The following CNR1 variants were observed in gnomAD, a reference collection of about 807,000 sequenced individuals.
The protein encoded by CNR1 is cannabinoid receptor 1 (brain).
A neutral mutation model predicts 23.0 loss-of-function variants in CNR1; 10 were observed. The observed-to-expected ratio is 0.43, with a 90% CI of 0.27 to 0.74. The LOEUF (loss-of-function observed/expected upper bound fraction) is 0.74, where lower values mean the gene tolerates loss of function less well. Among genes scored for constraint, CNR1 ranks in the 30% least tolerant of loss-of-function variants. The pLI is 0.19. For synonymous variants in CNR1, 271 were observed against 255.2 expected (o/e 1.06, Z -0.59); for missense variants, 422 against 618.8 (o/e 0.68, Z 3.37).
upstream of CNR1, among the ~76,000 whole-genome samples, chr6:88,166,746 C>A (rs1778386007): frequency 6.6e-6 from 1 of 152,142 alleles, no homozygotes; most frequent in Non-Finnish European, 1.5e-5. Flanking sequence ...CAGCGCGCAT[C>A]GCCAACACCT....
At chr6:88,160,165 G>A (rs1778018089) in intron 1 of CNR1, among the ~76,000 whole-genome samples, 1 of 151,992 alleles carries the variant, frequency 6.6e-6, no homozygotes, top group South Asian at 2.1e-4. Flanking sequence ...CCGTCTGCAC[G>A]AAAAATACAA....
At chr6:88,147,135 A>T (rs900600537) in intron 1 of CNR1, among the ~76,000 whole-genome samples, 30 of 152,212 alleles carry the variant, frequency 2.0e-4, no homozygotes, top group African/African-American at 7.2e-4. Flanking sequence ...TACTAAAAAT[A>T]AAAAGAAATT....
At chr6:88,151,199 G>A (rs1777500135) in intron 1 of CNR1, among the ~76,000 whole-genome samples, 1 of 152,202 alleles carries the variant, frequency 6.6e-6, no homozygotes, top group Non-Finnish European at 1.5e-5. Flanking sequence ...GTAAGTAGTA[G>A]AGCAAGCACT....
rs1208173234 is a variant in CNR1, at chr6:88,140,687, A to G, written c.*3169T>C. 6.6e-6 allele frequency: 1 copy of G among 152,344 alleles called. No individual in the cohort carries two copies. The highest frequency in any genetic ancestry group is 1.9e-4 in the East Asian group (1 of 5,342). The allele number at this position is 152,344 out of a possible 1,614,324, so 9.4% of individuals were successfully genotyped here. A position where few individuals can be genotyped will look rare whatever the true frequency, so the allele number is the denominator to read the frequency against. Reference sequence around the variant, plus strand: ...GAAATTAATCAACAGGACAGTAACTATAGCGCTACTCATCCAGGGCCTAAT... The same window carrying G: ...GAAATTAATCAACAGGACAGTAACTGTAGCGCTACTCATCCAGGGCCTAAT... On this transcript the variant is annotated 3_prime_UTR_variant, in exon 2 of 2. Transcript: ENST00000369501.
In CNR1 at chr6:88,139,878, T is replaced by C. The variant is rs78965357; in HGVS notation, c.*3978A>G. 2 of 152,374 alleles carry C rather than the reference T, an allele frequency of 1.3e-5. No homozygotes were observed. The highest frequency in any genetic ancestry group is 4.8e-5 in the African/African-American group (2 of 41,456). 9.4% of individuals were successfully genotyped at this position (152,374 alleles called of 1,614,324 possible). A position where few individuals can be genotyped will look rare whatever the true frequency, so the allele number is the denominator to read the frequency against. ...GTTCAAAGGCATTTTATGTTCTTCA[T>C]GGTAATCTAGAATTTTTATTTGATT... On this transcript the variant is annotated 3_prime_UTR_variant, in exon 2 of 2. Coordinates refer to ENST00000369501, the MANE Select transcript of CNR1 (RefSeq NM_016083.6).
intron 1 of CNR1, among the ~76,000 whole-genome samples, chr6:88,162,525 A>G (rs1042383602): frequency 1.3e-5 from 2 of 152,238 alleles, no homozygotes; most frequent in South Asian, 2.1e-4. Context: ...AGTATTAACT[A>G]GCAATTCAGT....
In CNR1 at chr6:88,144,044, T is replaced by C. The variant is rs1364212299; in HGVS notation, c.1231A>G (p.Met411Val). 6.2e-7 allele frequency: 1 copy of C among 1,614,078 alleles called. No individual in the cohort carries two copies. ...SKDLRHAFRS[M>V]FPSCEGTAQP... is the part of the protein sequence containing the mutation. ...GCAGTGCCTTCACAAGAGGGAAACATGCTCCGGAAAGCGTGTCGCAGGTCC... is the reference window on the plus strand; with the variant it reads ...GCAGTGCCTTCACAAGAGGGAAACACGCTCCGGAAAGCGTGTCGCAGGTCC... The change falls in exon 2 of 2, where the codon ATG (methionine) becomes GTG (valine). Residue 411 changes from methionine (M) to valine (V), a missense_variant. Physicochemically the swap from Met to Val is conservative, Grantham distance 21. This residue lies in a region of CNR1 where 79 missense variants were observed against 98.0 expected (regional missense o/e 0.81). Coordinates refer to ENST00000369501, the MANE Select transcript of CNR1 (RefSeq NM_016083.6). This position sits in a 1 kb window ranked among gnomAD's most constrained non-coding sequence, Gnocchi z 7.8.
In CNR1 at chr6:88,145,178, T is replaced by C. The variant is rs1348965180; in HGVS notation, c.97A>G (p.Ile33Val). ...AATTTGGATGCCATGTCACCTTTGATGTCTTCGTACTGAATGTCATTTGAG... is the reference window on the plus strand; with the variant it reads ...AATTTGGATGCCATGTCACCTTTGACGTCTTCGTACTGAATGTCATTTGAG... The part of the protein sequence containing the change: ...VGSNDIQYED[I>V]KGDMASKLGY... Residue 33 changes from isoleucine (I) to valine (V), a missense_variant, in exon 2 of 2, where the codon ATC becomes GTC. Ile to Val is a conservative substitution (Grantham distance 29, BLOSUM62 3). This residue lies in a region of CNR1 where 120 missense variants were observed against 117.6 expected (regional missense o/e 1.02). Transcript: ENST00000369501. 10 of 1,614,078 alleles carry C rather than the reference T, an allele frequency of 6.2e-6. No homozygotes were observed. Among genetic ancestry groups the C allele is most frequent in the Non-Finnish European group, 8.5e-6 (10 of 1,180,036 alleles).
chr6:88,155,568 A>T (rs1241630711), intron 1 of CNR1, among the ~76,000 whole-genome samples: 1 of 152,152 alleles, frequency 6.6e-6, no homozygotes, highest in African/African-American at 2.4e-5. Flanking sequence ...CCTTTCATTC[A>T]TTTACAGGGA....
chr6:88,150,552 T>A, intron 1 of CNR1, among the ~76,000 whole-genome samples: 1 of 152,214 alleles, frequency 6.6e-6, no homozygotes, highest in East Asian at 1.9e-4. Context: ...CTCTCTTCAT[T>A]CAGCTGCCTT....
chr6:88,143,783 G>T lies in CNR1; in HGVS notation c.*73C>A. On this transcript the variant is annotated 3_prime_UTR_variant, in exon 2 of 2. Coordinates refer to ENST00000369501, the MANE Select transcript of CNR1 (RefSeq NM_016083.6). ...AAAGTTAAAAAAATATAACCAAGGA[G>T]ACAATAGACTCTTCTAGATTTTGAG... 9.4e-7 allele frequency: 1 copy of T among 1,059,768 alleles called. No homozygotes were observed. The highest frequency in any genetic ancestry group is 1.4e-6 in the Non-Finnish European group (1 of 715,188). The allele number at this position is 1,059,768 out of a possible 1,614,324, so 65.6% of individuals were successfully genotyped here.
rs985764394 is a variant in CNR1 at position 88,145,143 on chromosome 6, G to A, written c.132C>T (p.Phe44=). 1.2e-6 allele frequency: 2 copies of A among 1,614,108 alleles called. No individual in the cohort carries two copies. Among genetic ancestry groups the A allele is most frequent in the Admixed American group, 3.3e-5 (2 of 60,002 alleles). ...AGGAAGTTAAAGGGAATTTCTGTGG[G>A]AAGTACCCTAATTTGGATGCCATGT... The part of the protein sequence containing the change: ...KGDMASKLGY[F]PQKFPLTSFR... Residue 44 remains phenylalanine (F), a synonymous_variant, in exon 2 of 2, where the codon TTC becomes TTT. Coordinates refer to ENST00000369501, the MANE Select transcript of CNR1 (RefSeq NM_016083.6).
chr6:88,158,398 A>T (rs1777914788), intron 1 of CNR1, among the ~76,000 whole-genome samples: 1 of 152,240 alleles, frequency 6.6e-6, no homozygotes, highest in Non-Finnish European at 1.5e-5. Flanking sequence ...GACAGGTACC[A>T]ACGGGCTGAA....
intron 1 of CNR1, 64 bp from the exon 2 acceptor site, chr6:88,145,401 A>G (rs1460414060): frequency 1.3e-6 from 1 of 776,200 alleles, no homozygotes; most frequent in East Asian, 2.6e-5. Flanking sequence ...ACAAAGAGAC[A>G]CTGTAAATGT....
intron 1 of CNR1, among the ~76,000 whole-genome samples, chr6:88,160,415 TA>T (rs1290668959): frequency 6.6e-6 from 1 of 151,368 alleles, no homozygotes; most frequent in Non-Finnish European, 1.5e-5. Context: ...AAAACAAACT[TA>T]AAAAATTTTT....
intron 1 of CNR1, among the ~76,000 whole-genome samples, chr6:88,151,970 T>G (rs1777543503): frequency 6.6e-6 from 1 of 152,146 alleles, no homozygotes; most frequent in Non-Finnish European, 1.5e-5. Flanking sequence ...TAGAATATGA[T>G]GGATTTGCAG....
intron 1 of CNR1, among the ~76,000 whole-genome samples, chr6:88,163,685 AC>A (rs1333594733): frequency 1.3e-5 from 2 of 152,236 alleles, no homozygotes; most frequent in African/African-American, 4.8e-5. Flanking sequence ...AAATAGGTAA[AC>A]CGAATCAAAG....
At chr6:88,148,801 C>T (rs1431271136) in intron 1 of CNR1, among the ~76,000 whole-genome samples, 1 of 152,150 alleles carries the variant, frequency 6.6e-6, no homozygotes, top group East Asian at 1.9e-4. Flanking sequence ...GAGCCCTCAG[C>T]ACTAATGTGA....
rs910179611 is a variant in CNR1 at position 88,141,646 on chromosome 6, T to C, written c.*2210A>G. 1.3e-5 allele frequency: 2 copies of C among 152,400 alleles called. No homozygotes were observed. The highest frequency in any genetic ancestry group is 4.8e-5 in the African/African-American group (2 of 41,472). The allele number at this position is 152,400 out of a possible 1,614,324, so 9.4% of individuals were successfully genotyped here. ...AGTTCTTCTTGTAAATAATCTCTCC[T>C]GTCTTTAGAAAGAGATCTTACTAAT... On this transcript the variant is annotated 3_prime_UTR_variant, in exon 2 of 2. Coordinates refer to ENST00000369501, the MANE Select transcript of CNR1 (RefSeq NM_016083.6).
Sources: gnomAD v4.1 joint callset for allele counts (sites outside exome capture counted in the v4.1 genomes callset) on GRCh38, gnomAD v4.1.1 for gene constraint, gnomAD v4.1.1 regional missense constraint, Gnocchi (gnomAD v3.1) non-coding constraint, MANE v1.5 for transcripts, NCBI Gene and HGNC (gene_info 2026-07-23, HGNC 2026-07-21) for gene names.